TSC22D1: variants seen among roughly 807,000 people sequenced by gnomAD.
TSC22D1 encodes TSC22 domain family member 1.
A neutral mutation model predicts 74.2 loss-of-function variants in TSC22D1; 9 were observed. The observed-to-expected ratio is 0.12, with a 90% CI of 0.07 to 0.21. The LOEUF (loss-of-function observed/expected upper bound fraction) is 0.21. Ranked by LOEUF, TSC22D1 falls within the 10% of genes least tolerant of loss-of-function variation. The pLI is 1.00. For synonymous variants in TSC22D1, 586 were observed against 492.5 expected (o/e 1.19, Z -2.51); for missense variants, 1,427 against 1,304.7 (o/e 1.09, Z -1.44).
chr13:44,549,429 TCTCAGAAGGCATC>T (rs1476017998), intron 1 of TSC22D1, among the ~76,000 whole-genome samples: 2 of 152,004 alleles, frequency 1.3e-5, no homozygotes, highest in Non-Finnish European at 2.9e-5. Flanking sequence ...CTTCCACCAA[TCTCAGAAGGCATC>T]CTCAGCCTTA....
At chr13:44,505,212 T>C (rs1879392884) in intron 1 of TSC22D1, among the ~76,000 whole-genome samples, 1 of 152,168 alleles carries the variant, frequency 6.6e-6, no homozygotes, top group Admixed American at 6.5e-5. Context: ...GAGGATCACT[T>C]GAAGCCAGGC....
chr13:44,527,621 AT>A (rs1232180239), intron 1 of TSC22D1, among the ~76,000 whole-genome samples: 1 of 152,122 alleles, frequency 6.6e-6, no homozygotes, highest in East Asian at 1.9e-4. Context: ...GGCAAAATAA[AT>A]TTTTTAAAAA....
chr13:44,575,777 G>A lies in TSC22D1; in HGVS notation c.298C>T (p.Pro100Ser), dbSNP rs1023515782. ...TTCTTTTTCATTTGAGTTCCGCCTGGCGCAAGAGGCTGTGCCTGCAGCTGA... is the reference window on the plus strand; with the variant it reads ...TTCTTTTTCATTTGAGTTCCGCCTGACGCAAGAGGCTGTGCCTGCAGCTGA... ...QAQLQAQPLA[P>S]GGTQMKKKSG... The change falls in exon 1 of 3, where the codon CCA becomes TCA. Residue 100 changes from proline to serine, a missense_variant. Around this residue, in one of 3 missense-constraint regions of TSC22D1, gnomAD observed 1,343 missense variants for 1,191.5 expected, o/e 1.13. Coordinates refer to ENST00000458659, the MANE Select transcript of TSC22D1 (RefSeq NM_183422.4). 2.5e-6 allele frequency: 4 copies of A among 1,614,076 alleles called. No individual in the cohort carries two copies. Among genetic ancestry groups the A allele is most frequent in the Non-Finnish European group, 8.5e-7 (1 of 1,180,050 alleles).
At chr13:44,441,427 A>G (rs1308136383) in intron 1 of TSC22D1, among the ~76,000 whole-genome samples, 1 of 152,160 alleles carries the variant, frequency 6.6e-6, no homozygotes, top group East Asian at 1.9e-4. Context: ...AATATACATG[A>G]CCCATATTAT....
intron 1 of TSC22D1, among the ~76,000 whole-genome samples, chr13:44,546,887 C>T (rs1407922392): frequency 1.3e-5 from 2 of 152,004 alleles, no homozygotes; most frequent in African/African-American, 4.8e-5. Context: ...CCTCCCACCT[C>T]AGCCTCACTA....
Position 44,574,071 on chromosome 13 carries a change from G to T in TSC22D1, c.2004C>A (p.Ser668=). The T allele has an allele frequency of 1.2e-6, 2 of 1,614,244 alleles. No homozygotes were observed. The highest frequency in any genetic ancestry group is 1.7e-6 in the Non-Finnish European group (2 of 1,180,058). Residue 668 remains serine, a synonymous_variant, in exon 1 of 3, where the codon TCC becomes TCA. Coordinates refer to ENST00000458659, the MANE Select transcript of TSC22D1 (RefSeq NM_183422.4). The part of the protein sequence containing the change: ...QQQPILQTAM[S]SGQPSSAGVG... ...CTCCTGCAGAACTGGGCTGTCCGGA[G>T]GACATTGCTGTTTGAAGAATTGGCT...
chr13:44,496,657 C>A (rs1290569044), intron 1 of TSC22D1, among the ~76,000 whole-genome samples: 1 of 151,970 alleles, frequency 6.6e-6, no homozygotes, highest in Non-Finnish European at 1.5e-5. Context: ...TGCATTCCAG[C>A]CTGGGCAACA....
chr13:44,449,130 T>G (rs1358369984), intron 1 of TSC22D1, among the ~76,000 whole-genome samples: 1 of 152,174 alleles, frequency 6.6e-6, no homozygotes, highest in Non-Finnish European at 1.5e-5. Context: ...GTGGAGCTGG[T>G]GAGCTCTTGG....
chr13:44,544,885 G>A (rs1290776517), intron 1 of TSC22D1, among the ~76,000 whole-genome samples: 2 of 151,956 alleles, frequency 1.3e-5, no homozygotes. Context: ...AAGTAAAACA[G>A]ATGAAAAAGA....
intron 1 of TSC22D1, among the ~76,000 whole-genome samples, chr13:44,547,537 T>C (rs760728893): frequency 2.0e-5 from 3 of 152,176 alleles, no homozygotes. Flanking sequence ...CATTATCATG[T>C]ATGTTTATTC....
intron 1 of TSC22D1, chr13:44,436,993 C>T: frequency 1.0e-6 from 1 of 1,000,262 alleles, no homozygotes; most frequent in Non-Finnish European, 1.2e-6. Context: ...CCACCCCCAC[C>T]TCCGCCCCCA....
rs956373956 is a variant in TSC22D1 at position 44,432,835 on chromosome 13, G to A, written c.*1791C>T. ...CCACCCCATTCACTTGCTCGCTCACGTTACTCCTACTGCAGAGTGGGATCC... is the reference window on the plus strand; with the variant it reads ...CCACCCCATTCACTTGCTCGCTCACATTACTCCTACTGCAGAGTGGGATCC... On this transcript the variant is annotated 3_prime_UTR_variant, in exon 3 of 3. Coordinates refer to ENST00000458659, the MANE Select transcript of TSC22D1 (RefSeq NM_183422.4). 1.3e-5 allele frequency: 2 copies of A among 152,146 alleles called. No homozygotes were observed. The highest frequency in any genetic ancestry group is 2.4e-5 in the African/African-American group (1 of 41,406). The allele number at this position is 152,146 out of a possible 1,614,324, so 9.4% of individuals were successfully genotyped here. A position where few individuals can be genotyped will look rare whatever the true frequency, so the allele number is the denominator to read the frequency against.
At chr13:44,537,165 T>C (rs1881198107) in intron 1 of TSC22D1, 1 of 877,886 alleles carries the variant, frequency 1.1e-6, no homozygotes. Context: ...TATTACACAA[T>C]TAGTCATTCT....
rs746999653 is a variant in TSC22D1 at position 44,487,276 on chromosome 13, A to C, written c.2913-51181T>G. On this transcript the variant is annotated intron_variant, in intron 1 of 2. Coordinates refer to ENST00000458659, the MANE Select transcript of TSC22D1 (RefSeq NM_183422.4). ...CACTTTGGGAGGCCAAGGCAGGTGG[A>C]TCACCTGAGGTCAGGAGTTCAAGAC... Among the ~76,000 whole-genome samples, 133 of 151,984 alleles carry C rather than the reference A, an allele frequency of 8.8e-4. 1 individual carries two copies. The highest frequency in any genetic ancestry group is 1.6e-3 in the Non-Finnish European group (110 of 67,994).
At chr13:44,488,951 A>T (rs944870031) in intron 1 of TSC22D1, among the ~76,000 whole-genome samples, 2 of 152,134 alleles carry the variant, frequency 1.3e-5, no homozygotes, top group Admixed American at 1.3e-4. Flanking sequence ...TAAAATTTGT[A>T]TGGAAGACCC....
intron 1 of TSC22D1, among the ~76,000 whole-genome samples, chr13:44,508,166 C>T (rs1879523752): frequency 6.6e-6 from 1 of 152,198 alleles, no homozygotes; most frequent in Non-Finnish European, 1.5e-5. Context: ...AATGACCAGA[C>T]TTCCCATTCT....
intron 1 of TSC22D1, among the ~76,000 whole-genome samples, chr13:44,554,382 A>G (rs967139829): frequency 6.6e-6 from 1 of 152,312 alleles, no homozygotes; most frequent in East Asian, 1.9e-4. Flanking sequence ...TTTGAATAGA[A>G]AAACTGTCAT....
At chr13:44,481,995 A>T (rs1007392717) in intron 1 of TSC22D1, among the ~76,000 whole-genome samples, 3 of 152,202 alleles carry the variant, frequency 2.0e-5, no homozygotes, top group Admixed American at 1.3e-4. Context: ...AAGATGTCAC[A>T]ATTTCTTTGT....
At chr13:44,531,851 G>T (rs547536636) in intron 1 of TSC22D1, among the ~76,000 whole-genome samples, 15 of 152,310 alleles carry the variant, frequency 9.8e-5, no homozygotes, top group Non-Finnish European at 2.1e-4. Flanking sequence ...GACTGTGCCT[G>T]AATTAGAACT....
Sources: gnomAD v4.1 joint callset for allele counts (sites outside exome capture counted in the v4.1 genomes callset) on GRCh38, gnomAD v4.1.1 for gene constraint, gnomAD v4.1.1 regional missense constraint, MANE v1.5 for transcripts, NCBI Gene and HGNC (gene_info 2026-07-23, HGNC 2026-07-21) for gene names.